The following SULF2 variants were observed in gnomAD, a reference collection of about 807,000 sequenced individuals.
SULF2 encodes the protein extracellular sulfatase Sulf-2.
In SULF2, 52 loss-of-function variants were observed where a neutral mutation model predicts 107.7. The observed-to-expected ratio is 0.48, with a 90% CI of 0.39 to 0.61. The LOEUF (loss-of-function observed/expected upper bound fraction) is 0.61, where lower values mean the gene tolerates loss of function less well. Ranked by LOEUF, SULF2 falls within the 20% of genes least tolerant of loss-of-function variation. SULF2 has a pLI of 0.00. For missense variants in SULF2, 993 were observed against 1,177.3 expected, an observed-to-expected ratio of 0.84 and a Z score of 2.29; for synonymous variants, 460 against 464.3, an observed-to-expected ratio of 0.99 and a Z score of 0.12.
intron 1 of SULF2, among the ~76,000 whole-genome samples, chr20:47,775,233 C>G (rs549958612): frequency 6.6e-6 from 1 of 152,288 alleles, no homozygotes; most frequent in South Asian, 2.1e-4. Flanking sequence ...CTTAAGAGAC[C>G]GTGGCAGCTT....
chr20:47,734,493 C>T (rs775672213), intron 3 of SULF2, among the ~76,000 whole-genome samples: 13 of 152,290 alleles, frequency 8.5e-5, no homozygotes, highest in East Asian at 3.9e-4. Flanking sequence ...TAACATATCA[C>T]GCAGTTGGAT....
intron 2 of SULF2, among the ~76,000 whole-genome samples, chr20:47,747,560 C>T (rs1253399468): frequency 1.3e-5 from 2 of 152,088 alleles, no homozygotes; most frequent in African/African-American, 4.8e-5. Flanking sequence ...CAGAAATATT[C>T]CTCTAACTCA....
intron 11 of SULF2, among the ~76,000 whole-genome samples, chr20:47,667,683 C>G (rs568667921): frequency 6.6e-6 from 1 of 152,230 alleles, no homozygotes. Flanking sequence ...CCAGCAGGCA[C>G]GCACTGCAGT....
intron 6 of SULF2, among the ~76,000 whole-genome samples, chr20:47,683,638 C>T (rs1004222420): frequency 6.6e-6 from 1 of 152,272 alleles, no homozygotes; most frequent in African/African-American, 2.4e-5. Flanking sequence ...AATGTCTGCA[C>T]TGTCCGATAT....
intron 2 of SULF2, among the ~76,000 whole-genome samples, chr20:47,740,603 T>C (rs538971236): frequency 1.3e-5 from 2 of 152,264 alleles, no homozygotes; most frequent in South Asian, 4.1e-4. Context: ...TTAGGGCAAG[T>C]AACCTTAGCT....
At chr20:47,728,225 G>A (rs12480145) in intron 3 of SULF2, among the ~76,000 whole-genome samples, 21 of 152,166 alleles carry the variant, frequency 1.4e-4, no homozygotes, top group Admixed American at 2.6e-4. Context: ...GTGTGCGTGC[G>A]TGCGTGCACA....
At chr20:47,742,129 G>A (rs1859639010) in intron 2 of SULF2, among the ~76,000 whole-genome samples, 1 of 152,202 alleles carries the variant, frequency 6.6e-6, no homozygotes, top group African/African-American at 2.4e-5. Context: ...GCCTCCCCTT[G>A]GGGACAGTAA....
chr20:47,746,986 A>AT (rs1568895241), intron 2 of SULF2, among the ~76,000 whole-genome samples: 3 of 40,904 alleles, frequency 7.3e-5, no homozygotes, highest in Non-Finnish European at 1.4e-4. Context: ...AATAAATAAA[A>AT]AAAAAAAAAT....
intron 2 of SULF2, among the ~76,000 whole-genome samples, chr20:47,747,876 C>G (rs898435448): frequency 1.2e-4 from 19 of 152,094 alleles, no homozygotes; most frequent in Non-Finnish European, 2.5e-4. Context: ...TAAAGCAAAC[C>G]CTGCCGACCT....
At chr20:47,681,416 A>G (rs1308881737) in intron 7 of SULF2, among the ~76,000 whole-genome samples, 2 of 152,124 alleles carry the variant, frequency 1.3e-5, no homozygotes, top group Admixed American at 1.3e-4. Context: ...GGGCCCTATG[A>G]GTCAGATCAC....
chr20:47,729,067 G>A (rs951130002), intron 3 of SULF2, among the ~76,000 whole-genome samples: 4 of 152,260 alleles, frequency 2.6e-5, no homozygotes, highest in African/African-American at 9.6e-5. Context: ...AGGAGGCATG[G>A]GGTAGTCAAG....
rs552866335 is a variant in SULF2, at chr20:47,739,840, C to T, written c.176-2898G>A. Among the ~76,000 whole-genome samples, 8 of 152,316 alleles carry T rather than the reference C, an allele frequency of 5.3e-5. No homozygotes were observed. In the East Asian group the frequency reaches 1.5e-3, roughly 29 times the overall value. On this transcript the variant is annotated intron_variant, in intron 2 of 20. Transcript: ENST00000688720. ...GGTTTTCATATCTCAGGAATCCAAACCAGTTGGTGTCCACAGACCTGTGTG... is the reference window on the plus strand; with the variant it reads ...GGTTTTCATATCTCAGGAATCCAAATCAGTTGGTGTCCACAGACCTGTGTG...
intron 1 of SULF2, among the ~76,000 whole-genome samples, chr20:47,768,808 C>A (rs1488741961): frequency 6.6e-6 from 1 of 152,148 alleles, no homozygotes; most frequent in Non-Finnish European, 1.5e-5. Flanking sequence ...CCCAGCACTG[C>A]TCTCTTCAGA....
intron 2 of SULF2, among the ~76,000 whole-genome samples, chr20:47,755,561 T>C (rs78332766): frequency 0.019 from 2,881 of 152,220 alleles, 70 homozygotes; most frequent in African/African-American, 0.062. Flanking sequence ...ACCTAACCCA[T>C]TGATCAGTTT....
intron 3 of SULF2, among the ~76,000 whole-genome samples, chr20:47,724,205 T>C (rs1230884037): frequency 1.3e-5 from 2 of 152,194 alleles, no homozygotes; most frequent in Admixed American, 6.5e-5. Flanking sequence ...CCGGAAGTGA[T>C]GTGGTCAGGT....
intron 16 of SULF2, 78 bp from the exon 17 acceptor site, chr20:47,663,290 C>A: frequency 3.8e-6 from 6 of 1,598,606 alleles, no homozygotes; most frequent in Non-Finnish European, 5.1e-6. Context: ...CTGTCAGGGA[C>A]AGCCCCTAAA....
At chr20:47,754,458 G>T (rs1413337565) in intron 2 of SULF2, among the ~76,000 whole-genome samples, 1 of 145,532 alleles carries the variant, frequency 6.9e-6, no homozygotes, top group Non-Finnish European at 1.5e-5. Flanking sequence ...AGCCTATCAT[G>T]CCCCTCCCAC....
At chr20:47,684,272 T>C in intron 6 of SULF2, 159 bp downstream of exon 6, 1 of 670,732 alleles carries the variant, frequency 1.5e-6, no homozygotes, top group Non-Finnish European at 2.3e-6. Flanking sequence ...TTGTCTGGAT[T>C]GCTCCAAGCT....
intron 3 of SULF2, among the ~76,000 whole-genome samples, chr20:47,735,599 T>A (rs1446667939): frequency 2.6e-5 from 4 of 152,156 alleles, no homozygotes; most frequent in Non-Finnish European, 4.4e-5. Context: ...CTGCAGAGGC[T>A]CAGGGGAACC....
Sources: gnomAD v4.1 joint callset for allele counts (sites outside exome capture counted in the v4.1 genomes callset) on GRCh38, gnomAD v4.1.1 for gene constraint, MANE v1.5 for transcripts, NCBI Gene and HGNC (gene_info 2026-07-23, HGNC 2026-07-21) for gene names.